DYNC1I1: variants seen among roughly 807,000 people sequenced by gnomAD.
DYNC1I1 encodes cytoplasmic dynein 1 intermediate chain 1.
A neutral mutation model predicts 86.6 loss-of-function variants in DYNC1I1; 43 were observed. The observed-to-expected ratio is 0.50, with a 90% CI of 0.39 to 0.64. The LOEUF is 0.64. DYNC1I1 is among the 30% of genes least tolerant of loss of function. The probability of loss-of-function intolerance (pLI) is 0.00; values close to 1 mark genes in which losing one functional copy is unlikely to be tolerated. For synonymous variants in DYNC1I1, 262 were observed against 283.7 expected, an observed-to-expected ratio of 0.92 and a Z score of 0.77; for missense variants, 604 against 788.8, an observed-to-expected ratio of 0.77 and a Z score of 2.81.
At chr7:96,081,759 T>C (rs1402647787) in intron 16 of DYNC1I1, among the ~76,000 whole-genome samples, 1 of 152,220 alleles carries the variant, frequency 6.6e-6, no homozygotes, top group African/African-American at 2.4e-5. Context: ...TGGTTTGTTC[T>C]ACAATGGAAC....
chr7:96,044,631 C>T (rs1490154202), intron 14 of DYNC1I1, among the ~76,000 whole-genome samples: 1 of 152,084 alleles, frequency 6.6e-6, no homozygotes, highest in Non-Finnish European at 1.5e-5. Context: ...TGAGCAGCAA[C>T]ATCTCTTCTG....
intron 16 of DYNC1I1, among the ~76,000 whole-genome samples, chr7:96,095,205 T>C (rs1790966124): frequency 6.6e-6 from 1 of 152,172 alleles, no homozygotes; most frequent in Admixed American, 6.5e-5. Flanking sequence ...AGATGTGTAA[T>C]TTTATATAGT....
intron 12 of DYNC1I1, among the ~76,000 whole-genome samples, 182 bp downstream of exon 12, chr7:96,032,962 C>A (rs550026823): frequency 6.6e-6 from 1 of 152,212 alleles, no homozygotes; most frequent in South Asian, 2.1e-4. Flanking sequence ...ATTTCCTTTA[C>A]CACAAATCAT....
intron 10 of DYNC1I1, among the ~76,000 whole-genome samples, chr7:95,997,593 G>A (rs1793900628): frequency 6.6e-6 from 1 of 150,560 alleles, no homozygotes; most frequent in Non-Finnish European, 1.5e-5. Flanking sequence ...TTGTGTGTGT[G>A]TGTGTGTGTG....
chr7:96,008,189 C>T (rs1794188726), intron 10 of DYNC1I1, among the ~76,000 whole-genome samples: 1 of 152,170 alleles, frequency 6.6e-6, no homozygotes, highest in African/African-American at 2.4e-5. Flanking sequence ...TTTGCCCACT[C>T]TTGTTACCAT....
intron 1 of DYNC1I1, among the ~76,000 whole-genome samples, chr7:95,800,110 G>A (rs1233097330): frequency 6.7e-6 from 1 of 150,288 alleles, no homozygotes; most frequent in Non-Finnish European, 1.5e-5. Flanking sequence ...GATCAAAACT[G>A]AGACATTTGG....
chr7:95,822,288 A>C (rs935297537), intron 4 of DYNC1I1, among the ~76,000 whole-genome samples: 2 of 152,244 alleles, frequency 1.3e-5, no homozygotes, highest in Non-Finnish European at 2.9e-5. Context: ...GGTTTAAAAT[A>C]TGAAATGAAA....
chr7:95,977,229 T>G (rs1158370359), intron 6 of DYNC1I1, among the ~76,000 whole-genome samples: 3 of 152,186 alleles, frequency 2.0e-5, no homozygotes, highest in Non-Finnish European at 4.4e-5. Context: ...AGGGAGGCAA[T>G]TCCAAGACAT....
chr7:96,073,787 A>C (rs1050025618), intron 14 of DYNC1I1, among the ~76,000 whole-genome samples: 10 of 152,228 alleles, frequency 6.6e-5, no homozygotes, highest in Non-Finnish European at 1.0e-4. Flanking sequence ...CAGTGGGAAT[A>C]ATCTTCTACT....
At chr7:96,068,540 C>T (rs1689124081) in intron 14 of DYNC1I1, among the ~76,000 whole-genome samples, 1 of 152,070 alleles carries the variant, frequency 6.6e-6, no homozygotes, top group South Asian at 2.1e-4. Flanking sequence ...GATAATTTTA[C>T]CATTAGATTT....
intron 16 of DYNC1I1, among the ~76,000 whole-genome samples, chr7:96,087,806 G>A (rs1388247884): frequency 6.6e-6 from 1 of 151,982 alleles, no homozygotes; most frequent in African/African-American, 2.4e-5. Flanking sequence ...TTAAGTCAAG[G>A]GGCACCAAGA....
rs527313516 is a variant in DYNC1I1 at position 96,008,186 on chromosome 7, A to G, written c.969+12113A>G. 6.6e-5 allele frequency among the ~76,000 whole-genome samples: 10 copies of G among 152,058 alleles called. No individual in the cohort carries two copies. The East Asian group carries it at 1.9e-3, about 29-fold the overall frequency. On this transcript the variant is annotated intron_variant, in intron 10 of 16. Coordinates refer to ENST00000447467, the MANE Select transcript of DYNC1I1 (RefSeq NM_001135556.2). ...TCTGAATCCACATCCTGATTTGCCC[A>G]CTCTTGTTACCATTTTCTGCTGCCT...
At chr7:95,869,009 G>A (rs918490079) in intron 5 of DYNC1I1, among the ~76,000 whole-genome samples, 2 of 152,146 alleles carry the variant, frequency 1.3e-5, no homozygotes, top group Non-Finnish European at 2.9e-5. Flanking sequence ...CCTTAGTTAG[G>A]AGTTCGAGTT....
At chr7:96,100,628 T>C (rs576240256), downstream of DYNC1I1, among the ~76,000 whole-genome samples, 1 of 145,662 alleles carries the variant, frequency 6.9e-6, no homozygotes, top group East Asian at 2.1e-4. Flanking sequence ...AGATAAGGAA[T>C]AATTCATTGA....
intron 10 of DYNC1I1, among the ~76,000 whole-genome samples, chr7:96,020,413 TC>T (rs557955448): frequency 4.9e-4 from 74 of 151,872 alleles, no homozygotes; most frequent in Non-Finnish European, 9.1e-4. Flanking sequence ...GCAGGGAAAC[TC>T]CCCCTTATAA....
chr7:96,017,746 A>G (rs1243379859), intron 10 of DYNC1I1, among the ~76,000 whole-genome samples: 4 of 152,190 alleles, frequency 2.6e-5, no homozygotes, highest in African/African-American at 7.2e-5. Context: ...AATAATTCAT[A>G]TAATTATTTT....
At position 95,810,377 on chromosome 7, in the gene DYNC1I1, G is replaced by T; in HGVS notation, c.109-15G>T. ...AGTTATGTTATTAACTTTTCTTACT[G>T]ACGTCTACTTCTAGGCTGATATGCA... On this transcript the variant is annotated splice_polypyrimidine_tract_variant and intron_variant, in intron 2 of 16. Transcript: ENST00000447467. 1 of 1,580,520 alleles carries T rather than the reference G, an allele frequency of 6.3e-7. No homozygotes were observed. Among genetic ancestry groups the T allele is most frequent in the Non-Finnish European group, 8.6e-7 (1 of 1,165,160 alleles).
At chr7:95,833,188 G>A (rs1306127553) in intron 5 of DYNC1I1, among the ~76,000 whole-genome samples, 3 of 136,432 alleles carry the variant, frequency 2.2e-5, no homozygotes, top group Non-Finnish European at 3.1e-5. Flanking sequence ...TTCTACATAT[G>A]GCTAGCCAGT....
intron 10 of DYNC1I1, among the ~76,000 whole-genome samples, chr7:95,998,641 A>G (rs900524722): frequency 6.6e-6 from 1 of 152,226 alleles, no homozygotes; most frequent in African/African-American, 2.4e-5. Context: ...AAAATTAGAC[A>G]ATTCATTACT....
Sources: allele counts gnomAD v4.1 joint callset (sites outside exome capture counted in the v4.1 genomes callset), GRCh38; gene constraint gnomAD v4.1.1; transcripts MANE v1.5; gene names NCBI Gene and HGNC (gene_info 2026-07-23, HGNC 2026-07-21).